Variants in ZNF438 observed in about 807,000 individuals in gnomAD.
ZNF438 encodes zinc finger protein 438.
ZNF438 carries 25 observed loss-of-function variants against 38.0 expected under a neutral mutation model. That is an observed-to-expected ratio of 0.66 (90% CI 0.48 to 0.92). ZNF438 has a LOEUF of 0.92. Ranked by LOEUF, ZNF438 falls within the 40% of genes least tolerant of loss-of-function variation. The pLI is 0.00. For synonymous variants in ZNF438, 372 were observed against 364.1 expected (o/e 1.02, Z -0.25); for missense variants, 1,007 against 999.6 (o/e 1.01, Z -0.10).
intron 3 of ZNF438, among the ~76,000 whole-genome samples, chr10:30,900,071 C>A (rs907350696): frequency 3.9e-5 from 6 of 152,160 alleles, no homozygotes; most frequent in Non-Finnish European, 8.8e-5. Context: ...GTGGACCCTA[C>A]CATCTGTGTC....
intron 3 of ZNF438, among the ~76,000 whole-genome samples, chr10:30,893,370 G>A (rs1049468999): frequency 3.3e-5 from 5 of 152,168 alleles, no homozygotes; most frequent in South Asian, 2.1e-4. Flanking sequence ...AAAGGAGTCC[G>A]TTGCAAGAGA....
chr10:30,975,190 G>C (rs1210796076), intron 1 of ZNF438, among the ~76,000 whole-genome samples: 1 of 152,080 alleles, frequency 6.6e-6, no homozygotes, highest in Non-Finnish European at 1.5e-5. Context: ...TCCAAGACAA[G>C]ACTGAATGTC....
At chr10:30,940,298 A>G (rs1484551439) in intron 2 of ZNF438, among the ~76,000 whole-genome samples, 1 of 152,212 alleles carries the variant, frequency 6.6e-6, no homozygotes, top group Non-Finnish European at 1.5e-5. Context: ...GACAAACATA[A>G]ACACAAACAA....
In ZNF438 at chr10:30,985,667, A is replaced by G. The variant is rs2052693541; in HGVS notation, c.-191-44016T>C. 2.6e-5 allele frequency among the ~76,000 whole-genome samples: 4 copies of G among 152,230 alleles called. No homozygotes were observed. The South Asian group carries it at 8.3e-4, about 31-fold the overall frequency. ...AAATCAGTTTAGAAGTTCAACAACAAAGACAAAATTACCGTTGGTTCTCCT... is the reference window on the plus strand; with the variant it reads ...AAATCAGTTTAGAAGTTCAACAACAGAGACAAAATTACCGTTGGTTCTCCT... On this transcript the variant is annotated intron_variant, in intron 1 of 5. Transcript: ENST00000413025.
chr10:30,863,022 T>C (rs2934653), intron 4 of ZNF438, among the ~76,000 whole-genome samples: 18,282 of 152,332 alleles, frequency 0.12, 1,458 homozygotes, highest in Middle Eastern at 0.24. Context: ...CTGATTTATC[T>C]TTAACTCACA....
At chr10:30,955,159 T>C (rs564688697) in intron 1 of ZNF438, among the ~76,000 whole-genome samples, 1 of 152,318 alleles carries the variant, frequency 6.6e-6, no homozygotes, top group South Asian at 2.1e-4. Context: ...GTACTTGTTG[T>C]AAATAACAAG....
At chr10:30,848,699 C>T (rs144371653) in exon 5 of ZNF438, 8 of 1,614,230 alleles carry the variant, frequency 5.0e-6, no homozygotes, top group Non-Finnish European at 8.5e-7. Context: ...ACAAAACTCA[C>T]AACACATGAG....
At chr10:30,951,823 C>A (rs1047984535) in intron 1 of ZNF438, among the ~76,000 whole-genome samples, 4 of 150,682 alleles carry the variant, frequency 2.7e-5, no homozygotes, top group African/African-American at 9.7e-5. Flanking sequence ...GGCCATACTG[C>A]CCAAGGTAAT....
At chr10:31,021,890 T>C (rs897606997) in intron 1 of ZNF438, among the ~76,000 whole-genome samples, 1 of 152,058 alleles carries the variant, frequency 6.6e-6, no homozygotes, top group Admixed American at 6.5e-5. Context: ...TCATTGAAGT[T>C]GATCGTCTTA....
At chr10:30,927,742 A>G (rs565560836) in intron 2 of ZNF438, among the ~76,000 whole-genome samples, 17 of 152,214 alleles carry the variant, frequency 1.1e-4, no homozygotes, top group Non-Finnish European at 2.2e-4. Context: ...ATTTCATCCA[A>G]CCTTCACTAT....
At chr10:30,939,799 G>C (rs868319439) in intron 2 of ZNF438, among the ~76,000 whole-genome samples, 2 of 152,300 alleles carry the variant, frequency 1.3e-5, no homozygotes, top group African/African-American at 4.8e-5. Context: ...TCCATATCCA[G>C]AGCTACAATC....
In ZNF438 at chr10:30,974,782, G is replaced by A. The variant is rs1233124878; in HGVS notation, c.-191-33131C>T. ...CTCTGGTCAGACACAGAATTTTAAA[G>A]TTAGAAAGGATCTTTGAGTCAGATT... On this transcript the variant is annotated intron_variant, in intron 1 of 5. Transcript: ENST00000413025. Among the ~76,000 whole-genome samples the A allele has an allele frequency of 7.2e-5, 11 of 152,226 alleles. 1 individual carries two copies. The highest frequency in any genetic ancestry group is 7.2e-4 in the Admixed American group (11 of 15,286).
At chr10:30,915,790 A>G (rs1490214808) in intron 2 of ZNF438, among the ~76,000 whole-genome samples, 1 of 152,080 alleles carries the variant, frequency 6.6e-6, no homozygotes, top group East Asian at 1.9e-4. Flanking sequence ...GTTTTAAGGT[A>G]AATTCATTGA....
intron 3 of ZNF438, among the ~76,000 whole-genome samples, chr10:30,894,638 G>T (rs2041102583): frequency 1.3e-5 from 2 of 151,924 alleles, no homozygotes; most frequent in Admixed American, 6.6e-5. Context: ...AGAAAGATGA[G>T]TAAGTAGCAA....
intron 3 of ZNF438, among the ~76,000 whole-genome samples, chr10:30,891,323 A>C (rs2040661835): frequency 6.6e-6 from 1 of 151,504 alleles, no homozygotes; most frequent in Non-Finnish European, 1.5e-5. Context: ...CTATTTATTA[A>C]TTTTTGCTCT....
exon 5 of ZNF438, chr10:30,849,188 T>C (rs903495648): frequency 7.4e-6 from 12 of 1,614,100 alleles, no homozygotes; most frequent in East Asian, 2.2e-5. Flanking sequence ...TCTACACTTA[T>C]TAATGATATA....
intron 4 of ZNF438, among the ~76,000 whole-genome samples, chr10:30,874,003 TAATA>T (rs926947550): frequency 6.6e-6 from 1 of 151,734 alleles, no homozygotes; most frequent in South Asian, 2.1e-4. Flanking sequence ...TGCATTTAAT[TAATA>T]AATAGCATGT....
chr10:30,851,100 T>TA (rs2033541484), intron 4 of ZNF438, among the ~76,000 whole-genome samples: 1 of 152,180 alleles, frequency 6.6e-6, no homozygotes, highest in African/African-American at 2.4e-5. Flanking sequence ...GTGACACCTT[T>TA]AAAAAATGTT....
intron 2 of ZNF438, chr10:30,920,993 T>TC (rs1460976453): frequency 6.6e-6 from 1 of 152,230 alleles, no homozygotes; most frequent in Non-Finnish European, 1.5e-5. Flanking sequence ...TTTTTCTAAC[T>TC]CAAGCATATA....
Sources: allele counts gnomAD v4.1 joint callset (sites outside exome capture counted in the v4.1 genomes callset), GRCh38; gene constraint gnomAD v4.1.1; transcripts MANE v1.5; gene names NCBI Gene and HGNC (gene_info 2026-07-23, HGNC 2026-07-21).